Variants in AGAP1 observed in about 807,000 individuals in gnomAD.
AGAP1 encodes the protein ArfGAP with GTPase domain, ankyrin repeat and PH domain 1.
AGAP1 carries 29 observed loss-of-function variants against 105.3 expected under a neutral mutation model. The observed-to-expected ratio is 0.28, with a 90% CI of 0.21 to 0.38. The LOEUF (loss-of-function observed/expected upper bound fraction) is 0.38, where lower values mean the gene tolerates loss of function less well. AGAP1 is among the 10% of genes least tolerant of loss of function. The pLI, the probability that AGAP1 is intolerant of heterozygous loss-of-function variation, is 1.00. For missense variants in AGAP1, 998 were observed against 1,165.1 expected (o/e 0.86, Z 2.09); for synonymous variants, 509 against 485.9 (o/e 1.05, Z -0.63).
intron 9 of AGAP1, among the ~76,000 whole-genome samples, chr2:235,858,566 A>C (rs2048783157): frequency 6.6e-6 from 1 of 152,180 alleles, no homozygotes; most frequent in African/African-American, 2.4e-5. Flanking sequence ...AGACCTTTTA[A>C]CTAATAACTG....
intron 9 of AGAP1, among the ~76,000 whole-genome samples, chr2:235,849,648 G>A (rs1961931620): frequency 8.9e-6 from 1 of 112,462 alleles, no homozygotes; most frequent in East Asian, 5.4e-4. Flanking sequence ...GGGGATGCTA[G>A]GCCTGGATAA....
chr2:235,804,974 A>G (rs1220470286), intron 8 of AGAP1, among the ~76,000 whole-genome samples: 1 of 152,232 alleles, frequency 6.6e-6, no homozygotes, highest in Non-Finnish European at 1.5e-5. Context: ...TTAGCAGAGA[A>G]AGGAAACCTT....
chr2:235,630,559 A>T (rs113399267), intron 1 of AGAP1, among the ~76,000 whole-genome samples: 236 of 152,294 alleles, frequency 1.5e-3, no homozygotes, highest in South Asian at 3.9e-3. Context: ...TTGTAGCCTT[A>T]TTAACACATT....
Position 235,953,391 on chromosome 2 carries a change from T to C in AGAP1, c.1484-15071T>C, listed in dbSNP as rs2053823013. The stretch of plus-strand genomic sequence containing the variant: ...ATCGTTATAAGATGTTAATTTTTTA[T>C]TCTCCAAAATGTTCAGACTGCAAGG... On this transcript the variant is annotated intron_variant, in intron 12 of 17. Transcript: ENST00000304032. This position sits in a 1 kb window ranked among gnomAD's most constrained non-coding sequence, Gnocchi z 5.2. Among the ~76,000 whole-genome samples, 2 of 152,198 alleles carry C rather than the reference T, an allele frequency of 1.3e-5. No homozygotes were observed. The highest frequency in any genetic ancestry group is 4.1e-4 in the South Asian group (2 of 4,830).
At chr2:235,829,747 T>C (rs1245244695) in intron 9 of AGAP1, among the ~76,000 whole-genome samples, 2 of 152,184 alleles carry the variant, frequency 1.3e-5, no homozygotes, top group Non-Finnish European at 2.9e-5. Context: ...GTATCGTCCA[T>C]CCTTGCAGCA....
intron 12 of AGAP1, among the ~76,000 whole-genome samples, chr2:235,943,806 G>A (rs2053371934): frequency 6.6e-6 from 1 of 152,194 alleles, no homozygotes. Context: ...GTGGGGTGTG[G>A]CTGAGCAAGC....
chr2:235,547,356 C>CT (rs565421160), intron 1 of AGAP1, among the ~76,000 whole-genome samples: 15,694 of 135,408 alleles, frequency 0.12, 1,287 homozygotes, highest in East Asian at 0.26. Context: ...CTTACATTGA[C>CT]TTTTTTTTTT....
rs933126321 is a variant in AGAP1, at chr2:235,787,880, G to T, written c.674-9879G>T. Among the ~76,000 whole-genome samples the T allele has an allele frequency of 2.4e-4, 20 of 84,598 alleles. No individual in the cohort carries two copies. The highest frequency in any genetic ancestry group is 4.6e-3 in the Middle Eastern group (1 of 216). The allele number at this position is 84,598 out of a possible 152,430, so 55.5% of individuals were successfully genotyped here. ...CAAGAGCAAGATCAAGAGCGTTCTAGACCATGAGCATTCTGGGACCAAGAG... is the reference window on the plus strand; with the variant it reads ...CAAGAGCAAGATCAAGAGCGTTCTATACCATGAGCATTCTGGGACCAAGAG... On this transcript the variant is annotated intron_variant, in intron 6 of 17. Coordinates refer to ENST00000304032, the MANE Select transcript of AGAP1 (RefSeq NM_001037131.3). This position sits in a 1 kb window ranked among gnomAD's most constrained non-coding sequence, Gnocchi z 4.4.
rs567186842 is a variant in AGAP1, at chr2:235,587,499, T to C, written c.163+92650T>C. ...GGGTGCGGTGGCTCATGCCTGTAAT[T>C]CCAGAACTTTGGGAGGCTGAGGTGG... is the stretch of plus-strand genomic sequence containing the variant. On this transcript the variant is annotated intron_variant, in intron 1 of 17. Transcript: ENST00000304032. Among the ~76,000 whole-genome samples, 16 of 151,670 alleles carry C rather than the reference T, an allele frequency of 1.1e-4. No homozygotes were observed. In the South Asian group the frequency reaches 1.3e-3, roughly 12 times the overall value.
chr2:235,974,347 A>G (rs895639459), intron 13 of AGAP1, among the ~76,000 whole-genome samples: 2 of 152,206 alleles, frequency 1.3e-5, no homozygotes, highest in Non-Finnish European at 2.9e-5. Context: ...AAAGACACTG[A>G]CTTTTATATG....
chr2:235,957,201 T>A lies in AGAP1; in HGVS notation c.1484-11261T>A, dbSNP rs2053987962. Among the ~76,000 whole-genome samples the A allele has an allele frequency of 1.3e-5, 2 of 152,198 alleles. No homozygotes were observed. Among genetic ancestry groups the A allele is most frequent in the Non-Finnish European group, 2.9e-5 (2 of 68,038 alleles). On this transcript the variant is annotated intron_variant, in intron 12 of 17. Coordinates refer to ENST00000304032, the MANE Select transcript of AGAP1 (RefSeq NM_001037131.3). The surrounding 1 kb of genome is among the most constrained non-coding windows in gnomAD (Gnocchi z 4.6). ...TTCTTTGTAAGGCTTTATAAACATATTTCAGTAATCAAGGTCCTCATCTCA... is the reference window on the plus strand; with the variant it reads ...TTCTTTGTAAGGCTTTATAAACATAATTCAGTAATCAAGGTCCTCATCTCA...
Position 236,001,151 on chromosome 2 carries a change from T to G in AGAP1, c.1645+32528T>G, listed in dbSNP as rs1226434642. ...AAACACCACATGGAGACTCTGGCGG[T>G]GGCTGGGGCAGCGCGGCTGTGGGGC... On this transcript the variant is annotated intron_variant, in intron 13 of 17. Transcript: ENST00000304032. This position sits in a 1 kb window ranked among gnomAD's most constrained non-coding sequence, Gnocchi z 4.7. Among the ~76,000 whole-genome samples, 1 of 151,910 alleles carries G rather than the reference T, an allele frequency of 6.6e-6. No individual in the cohort carries two copies. Among genetic ancestry groups the G allele is most frequent in the Non-Finnish European group, 1.5e-5 (1 of 67,972 alleles).
rs114786159 is a variant in AGAP1 at position 235,797,571 on chromosome 2, G to A, written c.674-188G>A. Among the ~76,000 whole-genome samples, 613 of 152,176 alleles carry A rather than the reference G, an allele frequency of 4.0e-3. 1 individual carries two copies. Among genetic ancestry groups the A allele is most frequent in the Non-Finnish European group, 7.3e-3 (497 of 68,012 alleles). On this transcript the variant is annotated intron_variant, in intron 6 of 17. Coordinates refer to ENST00000304032, the MANE Select transcript of AGAP1 (RefSeq NM_001037131.3). The stretch of plus-strand genomic sequence containing the variant: ...CATGTTCAGCTGATGCGGGGGTGGG[G>A]GGACGGGAGGAGGCTCTGGCAAATG...
rs931980475 is a variant in AGAP1, at chr2:235,608,768, A to C, written c.164-100411A>C. Among the ~76,000 whole-genome samples the C allele has an allele frequency of 1.8e-4, 27 of 152,100 alleles. No homozygotes were observed. Among genetic ancestry groups the C allele is most frequent in the African/African-American group, 6.0e-4 (25 of 41,416 alleles). On this transcript the variant is annotated intron_variant, in intron 1 of 17. Coordinates refer to ENST00000304032, the MANE Select transcript of AGAP1 (RefSeq NM_001037131.3). This position sits in a 1 kb window ranked among gnomAD's most constrained non-coding sequence, Gnocchi z 5.4. ...GGAGAGAGGAGCAATTTTCCATGGA[A>C]TATATCTGATGGCAGGTCTTGAGGT... is the stretch of plus-strand genomic sequence containing the variant.
chr2:236,050,656 ATGAT>A lies in AGAP1; in HGVS notation c.2114+1378_2114+1381del, dbSNP rs964814323. On this transcript the variant is annotated intron_variant, in intron 16 of 17. Transcript: ENST00000304032. The surrounding 1 kb of genome is among the most constrained non-coding windows in gnomAD (Gnocchi z 4.0). ...GGAAACTTGGGTCTGAAAATGAAAA[ATGAT>A]TGGAAATTAGATTGAGCTTAATATA... Among the ~76,000 whole-genome samples the A allele has an allele frequency of 2.0e-5, 3 of 152,258 alleles. No individual in the cohort carries two copies. Among genetic ancestry groups the A allele is most frequent in the African/African-American group, 7.2e-5 (3 of 41,468 alleles).
At chr2:235,909,026 G>T in intron 11 of AGAP1, 120 bp downstream of exon 11, 1 of 1,014,972 alleles carries the variant, frequency 9.9e-7, no homozygotes, top group Non-Finnish European at 1.4e-6. Context: ...TACAGATTAA[G>T]GTTTAGAAAC....
chr2:235,738,737 T>C (rs1251996786), intron 3 of AGAP1, among the ~76,000 whole-genome samples: 1 of 151,980 alleles, frequency 6.6e-6, no homozygotes, highest in Non-Finnish European at 1.5e-5. Flanking sequence ...TTTGTATTTT[T>C]AGTAGAGACA....
intron 6 of AGAP1, among the ~76,000 whole-genome samples, chr2:235,794,823 C>T (rs186547142): frequency 9.1e-4 from 139 of 152,254 alleles, no homozygotes; most frequent in Middle Eastern, 3.4e-3. Flanking sequence ...CTGATCTATG[C>T]ACCAACACAC....
rs576135207 is a variant in AGAP1, at chr2:235,896,178, C to T, written c.1156-12560C>T. On this transcript the variant is annotated intron_variant, in intron 10 of 17. Coordinates refer to ENST00000304032, the MANE Select transcript of AGAP1 (RefSeq NM_001037131.3). ...CTATGAATTTGTCTGCTCTAGGAAC[C>T]TCATATAAATGAAGTCATATGCTGT... Among the ~76,000 whole-genome samples, 3 of 152,308 alleles carry T rather than the reference C, an allele frequency of 2.0e-5. No individual in the cohort carries two copies. In the East Asian group the frequency reaches 5.8e-4, roughly 29 times the overall value.
Sources: gnomAD v4.1 joint callset for allele counts (sites outside exome capture counted in the v4.1 genomes callset) on GRCh38, gnomAD v4.1.1 for gene constraint, Gnocchi (gnomAD v3.1) non-coding constraint, MANE v1.5 for transcripts, NCBI Gene and HGNC (gene_info 2026-07-23, HGNC 2026-07-21) for gene names.